CD93: variants seen among roughly 807,000 people sequenced by gnomAD.
The protein encoded by CD93 is CD93 molecule, also known as complement component C1q receptor.
A neutral mutation model predicts 45.5 loss-of-function variants in CD93; 44 were observed. The ratio of observed to expected loss-of-function variants is 0.97; its 90% CI spans 0.76 to 1.24. The LOEUF (loss-of-function observed/expected upper bound fraction) is 1.24. Among genes scored for constraint, CD93 ranks in the 50% most tolerant of loss-of-function variants. The pLI is 0.00. For missense variants in CD93, 918 were observed against 844.5 expected (o/e 1.09, Z -1.08); for synonymous variants, 431 against 370.8 (o/e 1.16, Z -1.87).
Position 23,084,267 on chromosome 20 carries a change from G to T in CD93, c.1926C>A (p.Asn642Lys), listed in dbSNP as rs764886512. The T allele has an allele frequency of 2.7e-5, 43 of 1,613,618 alleles. No homozygotes were observed. In the Admixed American group the frequency reaches 6.8e-4, roughly 26 times the overall value. ...PERAESRAME[N>K]QYSPTPGTDC ...CTCAGGGCCCCCTTTACCTGTACTG[G>T]TTCTCCATGGCCCTGCTCTCAGCTC... Residue 642 changes from asparagine (N) to lysine (K), a missense_variant, in exon 1 of 2, where the codon AAC becomes AAA. Transcript: ENST00000246006.
Position 23,086,309 on chromosome 20 carries a change from G to C in CD93, c.-117C>G. The C allele has an allele frequency of 7.8e-7, 1 of 1,286,426 alleles. No individual in the cohort carries two copies. The highest frequency in any genetic ancestry group is 1.6e-5 in the South Asian group (1 of 64,342). The allele number at this position is 1,286,426 out of a possible 1,614,324, so 79.7% of individuals were successfully genotyped here. The stretch of plus-strand genomic sequence containing the variant: ...TGAGGGGTGAGCTGCAGCCACTCCG[G>C]CGCAGAGAAGGACACAAAGGCTGAG... On this transcript the variant is annotated 5_prime_UTR_variant, in exon 1 of 2. Coordinates refer to ENST00000246006, the MANE Select transcript of CD93 (RefSeq NM_012072.4).
In CD93 at chr20:23,085,835, C is replaced by A; in HGVS notation, c.358G>T (p.Gly120Trp). The A allele has an allele frequency of 6.8e-7, 1 of 1,476,808 alleles. No homozygotes were observed. The highest frequency in any genetic ancestry group is 9.3e-7 in the Non-Finnish European group (1 of 1,071,728). The allele number at this position is 1,476,808 out of a possible 1,614,324, so 91.5% of individuals were successfully genotyped here. A position where few individuals can be genotyped will look rare whatever the true frequency, so the allele number is the denominator to read the frequency against. The change falls in exon 1 of 2, where the codon GGG becomes TGG. Residue 120 changes from glycine (G) to tryptophan (W), a missense_variant. By Grantham distance (184) the Gly-to-Trp change is radical (BLOSUM62 -2). Transcript: ENST00000246006. The stretch of plus-strand genomic sequence containing the variant: ...CAGTTAGAGTAAGGCGTGTCCTCCC[C>A]CCCGCCCACCCAGCTGAAGCCCTTC... ...PLKGFSWVGG[G>W]EDTPYSNWHK...
At position 23,085,974 on chromosome 20, in the gene CD93, C is replaced by A; in HGVS notation, c.219G>T (p.Gln73His). Reference protein sequence around the residue: ...VKSKEEAQHVQRVLAQLLRRE... With the variant: ...VKSKEEAQHVHRVLAQLLRRE... ...GCCTCAGGAGCTGGGCCAGTACTCG[C>A]TGGACGTGCTGGGCCTCCTCCTTGC... The change falls in exon 1 of 2, where the codon CAG (glutamine) becomes CAT (histidine). Residue 73 changes from glutamine to histidine, a missense_variant. Transcript: ENST00000246006. 6.2e-7 allele frequency: 1 copy of A among 1,610,760 alleles called. No homozygotes were observed. Among genetic ancestry groups the A allele is most frequent in the Non-Finnish European group, 8.5e-7 (1 of 1,179,296 alleles).
rs1168661376 is a variant in CD93 at position 23,084,411 on chromosome 20, T to C, written c.1782A>G (p.Leu594=). Reference sequence around the variant, plus strand: ...GCCCCAGAGCCAGGGCCAGCAGGAGTAGGATGGCCACCACGGTGCCTAGGA... The same window carrying C: ...GCCCCAGAGCCAGGGCCAGCAGGAGCAGGATGGCCACCACGGTGCCTAGGA... ...FYILGTVVAI[L]LLLALALGLL... Residue 594 remains leucine, a synonymous_variant, in exon 1 of 2, where the codon CTA becomes CTG. Coordinates refer to ENST00000246006, the MANE Select transcript of CD93 (RefSeq NM_012072.4). 1.2e-6 allele frequency: 2 copies of C among 1,614,068 alleles called. No individual in the cohort carries two copies. Among genetic ancestry groups the C allele is most frequent in the Non-Finnish European group, 1.7e-6 (2 of 1,180,008 alleles).
Position 23,085,548 on chromosome 20 carries a change from C to G in CD93, c.645G>C (p.Val215=). 6.2e-7 allele frequency: 1 copy of G among 1,613,942 alleles called. No individual in the cohort carries two copies. The highest frequency in any genetic ancestry group is 1.1e-5 in the South Asian group (1 of 91,086). ...CTACATTGGCCGCAGAGGCAAAGGG[C>G]ACAGCCTCCAAGGAGGAACTGGTGG... ...FQTTSSSLEA[V]PFASAANVAC... is the part of the protein sequence containing the mutation. The change falls in exon 1 of 2, where the codon GTG becomes GTC. Residue 215 remains valine (V), a synonymous_variant. Coordinates refer to ENST00000246006, the MANE Select transcript of CD93 (RefSeq NM_012072.4).
rs1217804175 is a variant in CD93 at position 23,083,251 on chromosome 20, C to T, written c.*699G>A. On this transcript the variant is annotated 3_prime_UTR_variant, in exon 2 of 2. Transcript: ENST00000246006. ...ACAAACACCTGTAATGCACTTCAAGCAACTTTTCTCATATTTTTCAAGCTT... is the reference window on the plus strand; with the variant it reads ...ACAAACACCTGTAATGCACTTCAAGTAACTTTTCTCATATTTTTCAAGCTT... 6.6e-6 allele frequency: 1 copy of T among 152,314 alleles called. No individual in the cohort carries two copies. The highest frequency in any genetic ancestry group is 2.4e-5 in the African/African-American group (1 of 41,460). 9.4% of individuals were successfully genotyped at this position (152,314 alleles called of 1,614,324 possible).
At position 23,086,159 on chromosome 20, in the gene CD93, G is replaced by T; in HGVS notation, c.34C>A (p.Leu12Met). 1 of 1,554,450 alleles carries T rather than the reference G, an allele frequency of 6.4e-7. No homozygotes were observed. Residue 12 changes from leucine (L) to methionine (M), a missense_variant, in exon 1 of 2, where the codon CTG becomes ATG. Transcript: ENST00000246006. Reference sequence around the variant, plus strand: ...GCCCCGGGCTGGGTCAGGAGCAGCAGCAGCAGCAGCAGCAGGCCCATGGAG... The same window carrying T: ...GCCCCGGGCTGGGTCAGGAGCAGCATCAGCAGCAGCAGCAGGCCCATGGAG... ...ATSMGLLLLL[L>M]LLLTQPGAGT... is the part of the protein sequence containing the mutation.
chr20:23,083,831 T>C lies in CD93; in HGVS notation c.*119A>G. The stretch of plus-strand genomic sequence containing the variant: ...GGCCTTTAAGGAGGAGACTTACAAT[T>C]GTTTGCTAAGATTCCAGTCCAGTCT... On this transcript the variant is annotated 3_prime_UTR_variant, in exon 2 of 2. Coordinates refer to ENST00000246006, the MANE Select transcript of CD93 (RefSeq NM_012072.4). 1 of 918,582 alleles carries C rather than the reference T, an allele frequency of 1.1e-6. No homozygotes were observed. The highest frequency in any genetic ancestry group is 1.8e-6 in the Non-Finnish European group (1 of 547,458). 56.9% of individuals were successfully genotyped at this position (918,582 alleles called of 1,614,324 possible). A position where few individuals can be genotyped will look rare whatever the true frequency, so the allele number is the denominator to read the frequency against.
rs777170426 is a variant in CD93, at chr20:23,085,338, G to A, written c.855C>T (p.Cys285=). 53 of 1,614,056 alleles carry A rather than the reference G, an allele frequency of 3.3e-5. No homozygotes were observed. The South Asian group carries it at 5.5e-4, about 17-fold the overall frequency. ...GCAGCCGGAATCCTGGTCGGCAGCC[G>A]CAGAGGAAGGAGCCATCCCCCCCTT... ...CFEGGDGSFL[C]GCRPGFRLLD... is the part of the protein sequence containing the mutation. Residue 285 remains cysteine (C), a synonymous_variant, in exon 1 of 2, where the codon TGC becomes TGT. Coordinates refer to ENST00000246006, the MANE Select transcript of CD93 (RefSeq NM_012072.4).
At position 23,084,356 on chromosome 20, in the gene CD93, T is replaced by C. The variant is rs1384656762; in HGVS notation, c.1837A>G (p.Arg613Gly). The C allele has an allele frequency of 3.1e-6, 5 of 1,614,218 alleles. No individual in the cohort carries two copies. Among genetic ancestry groups the C allele is most frequent in the Middle Eastern group, 1.6e-4 (1 of 6,062 alleles). ...GGCTTCTTCTCCTTCTTCTCCTCCC[T>C]CTTCGCTCTCCGCTTGCGATAGACC... is the stretch of plus-strand genomic sequence containing the variant. ...LLVYRKRRAKREEKKEKKPQN... is the reference protein window; with the variant it reads ...LLVYRKRRAKGEEKKEKKPQN... Residue 613 changes from arginine (R) to glycine (G), a missense_variant, in exon 1 of 2, where the codon AGG (arginine) becomes GGG (glycine). Physicochemically the swap from Arg to Gly is moderately radical, Grantham distance 125. Transcript: ENST00000246006.
chr20:23,085,137 G>C lies in CD93; in HGVS notation c.1056C>G (p.Ser352=). Residue 352 remains serine, a synonymous_variant, in exon 1 of 2, where the codon TCC becomes TCG. Transcript: ENST00000246006. ...TGTTGACACACTCCTGGGCACAGGG[G>C]GAGTCCTGGCATTCATCCACGTCCA... is the stretch of plus-strand genomic sequence containing the variant. The part of the protein sequence containing the change: ...DCVDVDECQD[S]PCAQECVNTP... 1.3e-6 allele frequency: 2 copies of C among 1,584,360 alleles called. No homozygotes were observed. The highest frequency in any genetic ancestry group is 1.7e-6 in the Non-Finnish European group (2 of 1,163,694).
chr20:23,084,360 C>A lies in CD93; in HGVS notation c.1833G>T (p.Ala611=). Residue 611 remains alanine, a synonymous_variant, in exon 1 of 2, where the codon GCG becomes GCT. Transcript: ENST00000246006. ...TCTTCTCCTTCTTCTCCTCCCTCTT[C>A]GCTCTCCGCTTGCGATAGACCAGTA... ...LGLLVYRKRR[A]KREEKKEKKP... The A allele has an allele frequency of 6.2e-7, 1 of 1,614,230 alleles. No individual in the cohort carries two copies. Among genetic ancestry groups the A allele is most frequent in the Non-Finnish European group, 8.5e-7 (1 of 1,180,040 alleles).
Position 23,083,662 on chromosome 20 carries a change from C to A in CD93, c.*288G>T. ...GCCCCGGCCTCCTCACACCCTGATCCGGAATTGGTCACATTGGAATTTGAA... is the reference window on the plus strand; with the variant it reads ...GCCCCGGCCTCCTCACACCCTGATCAGGAATTGGTCACATTGGAATTTGAA... On this transcript the variant is annotated 3_prime_UTR_variant, in exon 2 of 2. Coordinates refer to ENST00000246006, the MANE Select transcript of CD93 (RefSeq NM_012072.4). The A allele has an allele frequency of 2.0e-6, 1 of 511,148 alleles. No homozygotes were observed. Among genetic ancestry groups the A allele is most frequent in the Non-Finnish European group, 3.5e-6 (1 of 283,600 alleles). The allele number at this position is 511,148 out of a possible 1,614,324, so 31.7% of individuals were successfully genotyped here.
rs1465672195 is a variant in CD93 at position 23,080,218 on chromosome 20, T to A, written c.*3732A>T. On this transcript the variant is annotated 3_prime_UTR_variant, in exon 2 of 2. Transcript: ENST00000246006. ...AATAGGAAAGGCTTTCCTATGTTAG[T>A]TTTAAAAAGACTGTGTTATTTTTAA... The A allele has an allele frequency of 1.3e-5, 2 of 152,644 alleles. No homozygotes were observed. The highest frequency in any genetic ancestry group is 1.3e-4 in the Admixed American group (2 of 15,286). 9.5% of individuals were successfully genotyped at this position (152,644 alleles called of 1,614,324 possible).
chr20:23,086,133 C>CT lies in CD93; in HGVS notation c.59_60insA (p.Thr22AspfsTer4). ...CCGCCTCCGTGTCAGCTCCCGTCCC[C>CT]GCCCCGGGCTGGGTCAGGAGCAGCA... On this transcript the variant is annotated frameshift_variant, in exon 1 of 2. Transcript: ENST00000246006. LOFTEE classifies it high-confidence loss of function. 1 of 1,581,588 alleles carries CT rather than the reference C, an allele frequency of 6.3e-7. No homozygotes were observed. Among genetic ancestry groups the CT allele is most frequent in the Non-Finnish European group, 8.5e-7 (1 of 1,171,262 alleles).
chr20:23,085,749 C>T lies in CD93; in HGVS notation c.444G>A (p.Leu148=). Residue 148 remains leucine (L), a synonymous_variant, in exon 1 of 2, where the codon CTG becomes CTA. Transcript: ENST00000246006. Reference sequence around the variant, plus strand: ...GGCGGCTGGGAAGGAGCGGCTGGGACAGGTCCAGCAGCAGAGACACACAGC... The same window carrying T: ...GGCGGCTGGGAAGGAGCGGCTGGGATAGGTCCAGCAGCAGAGACACACAGC... The part of the protein sequence containing the change: ...SKRCVSLLLD[L]SQPLLPSRLP... 1 of 1,610,586 alleles carries T rather than the reference C, an allele frequency of 6.2e-7. No homozygotes were observed. Among genetic ancestry groups the T allele is most frequent in the Non-Finnish European group, 8.5e-7 (1 of 1,179,920 alleles).
chr20:23,084,638 G>T lies in CD93; in HGVS notation c.1555C>A (p.Pro519Thr). 6.2e-7 allele frequency: 1 copy of T among 1,601,276 alleles called. No individual in the cohort carries two copies. Among genetic ancestry groups the T allele is most frequent in the Non-Finnish European group, 8.5e-7 (1 of 1,173,350 alleles). The change falls in exon 1 of 2, where the codon CCT becomes ACT. Residue 519 changes from proline (P) to threonine (T), a missense_variant. Physicochemically the swap from Pro to Thr is conservative, Grantham distance 38. Coordinates refer to ENST00000246006, the MANE Select transcript of CD93 (RefSeq NM_012072.4). ...ATGGGGGCGTCAGATGACAGCGAAGGTCTACTTGTGGTGGGTGTAGCCTTG... is the reference window on the plus strand; with the variant it reads ...ATGGGGGCGTCAGATGACAGCGAAGTTCTACTTGTGGTGGGTGTAGCCTTG... ...TPKATPTTSR[P>T]SLSSDAPITS...
Position 23,082,285 on chromosome 20 carries a change from C to T in CD93, c.*1665G>A, listed in dbSNP as rs557424512. 2 of 152,348 alleles carry T rather than the reference C, an allele frequency of 1.3e-5. No individual in the cohort carries two copies. The highest frequency in any genetic ancestry group is 4.8e-5 in the African/African-American group (2 of 41,564). 9.4% of individuals were successfully genotyped at this position (152,348 alleles called of 1,614,324 possible). ...ATTAACCCTGCACCTTGTGGCCCTT[C>T]AACCACTCCAGAGTGTCACCTCAGA... On this transcript the variant is annotated 3_prime_UTR_variant, in exon 2 of 2. Coordinates refer to ENST00000246006, the MANE Select transcript of CD93 (RefSeq NM_012072.4).
At position 23,084,231 on chromosome 20, in the gene CD93, T is replaced by C. The variant is rs1260410106; in HGVS notation, c.1934+28A>G. On this transcript the variant is annotated intron_variant, in intron 1 of 1. Coordinates refer to ENST00000246006, the MANE Select transcript of CD93 (RefSeq NM_012072.4). ...AGTGCCCCCATGCCTGCCCATCCCC[T>C]CCCCCGGTCACTCAGGGCCCCCTTT... 1.9e-6 allele frequency: 3 copies of C among 1,606,132 alleles called. No individual in the cohort carries two copies. The East Asian group carries it at 6.7e-5, about 36-fold the overall frequency.
Sources: gnomAD v4.1 joint callset for allele counts on GRCh38, gnomAD v4.1.1 for gene constraint, MANE v1.5 for transcripts, NCBI Gene and HGNC (gene_info 2026-07-23, HGNC 2026-07-21) for gene names.